Variants in TAOK1 observed in about 807,000 individuals in gnomAD.
TAOK1 encodes the protein serine/threonine-protein kinase TAO1.
TAOK1 carries 21 observed loss-of-function variants against 138.3 expected under a neutral mutation model. The ratio of observed to expected loss-of-function variants is 0.15; its 90% confidence interval spans 0.11 to 0.22. The LOEUF (loss-of-function observed/expected upper bound fraction) is 0.22, where lower values mean the gene tolerates loss of function less well. Ranked by LOEUF, TAOK1 falls within the 10% of genes least tolerant of loss-of-function variation. The probability of loss-of-function intolerance (pLI) is 1.00; values close to 1 mark genes in which losing one functional copy is unlikely to be tolerated. For missense variants in TAOK1, 651 were observed against 1,227.7 expected (o/e 0.53, Z 7.02); for synonymous variants, 361 against 398.4 (o/e 0.91, Z 1.12).
intron 13 of TAOK1, among the ~76,000 whole-genome samples, chr17:29,506,496 C>A (rs1185885276): frequency 1.3e-5 from 2 of 151,984 alleles, no homozygotes; most frequent in Non-Finnish European, 2.9e-5. Flanking sequence ...AGTTGTTGAT[C>A]AAAATGTACA....
chr17:29,522,842 A>G (rs962037993), intron 17 of TAOK1, among the ~76,000 whole-genome samples: 3 of 152,208 alleles, frequency 2.0e-5, no homozygotes, highest in Non-Finnish European at 2.9e-5. Flanking sequence ...TAGGAGGCCA[A>G]GGCGGGTGGA....
At chr17:29,432,565 C>T (rs1466656048) in intron 1 of TAOK1, among the ~76,000 whole-genome samples, 1 of 152,092 alleles carries the variant, frequency 6.6e-6, no homozygotes, top group African/African-American at 2.4e-5. Context: ...CTCCTGACCT[C>T]GTGATCCACC....
At chr17:29,473,793 C>G (rs564388926) in intron 3 of TAOK1, among the ~76,000 whole-genome samples, 90 of 151,760 alleles carry the variant, frequency 5.9e-4, no homozygotes, top group Non-Finnish European at 9.0e-4. Flanking sequence ...GTGGCACTAT[C>G]TTGGCTCACT....
intron 4 of TAOK1, among the ~76,000 whole-genome samples, chr17:29,476,660 C>T (rs1210149323): frequency 6.6e-6 from 1 of 152,022 alleles, no homozygotes; most frequent in Non-Finnish European, 1.5e-5. Context: ...ACACCCACCC[C>T]CAGGATACCA....
intron 13 of TAOK1, among the ~76,000 whole-genome samples, chr17:29,503,897 G>A (rs1379825373): frequency 1.3e-5 from 2 of 152,116 alleles, no homozygotes; most frequent in Non-Finnish European, 2.9e-5. Flanking sequence ...GATCAACTGA[G>A]GTCAGGAGTT....
intron 19 of TAOK1, among the ~76,000 whole-genome samples, chr17:29,537,637 A>G (rs2032245238): frequency 1.3e-5 from 2 of 151,566 alleles, no homozygotes; most frequent in East Asian, 3.9e-4. Context: ...GATTACAGGC[A>G]TGAGCCACTG....
intron 1 of TAOK1, among the ~76,000 whole-genome samples, chr17:29,403,468 C>T (rs1904908335): frequency 2.0e-5 from 3 of 152,086 alleles, no homozygotes; most frequent in African/African-American, 7.2e-5. Context: ...CTTGATTGTA[C>T]TTGATAAGGA....
chr17:29,425,571 C>T (rs989971625), intron 1 of TAOK1, among the ~76,000 whole-genome samples: 11 of 152,074 alleles, frequency 7.2e-5, no homozygotes, highest in African/African-American at 7.2e-5. Flanking sequence ...CCCAGCTACT[C>T]GGGAGGCTGA....
At chr17:29,430,541 C>T (rs1195671649) in intron 1 of TAOK1, among the ~76,000 whole-genome samples, 1 of 152,208 alleles carries the variant, frequency 6.6e-6, no homozygotes, top group African/African-American at 2.4e-5. Context: ...GTCTGATTTG[C>T]TGGGGACAGC....
At chr17:29,529,725 G>A (rs990439105) in intron 17 of TAOK1, among the ~76,000 whole-genome samples, 4 of 152,128 alleles carry the variant, frequency 2.6e-5, no homozygotes, top group African/African-American at 4.8e-5. Context: ...AATTAGCTGG[G>A]CATGGTGGCA....
chr17:29,549,453 AG>A lies in TAOK1; in HGVS notation c.*6433del, dbSNP rs2032454738. The A allele has an allele frequency of 1.3e-5, 2 of 152,278 alleles. No homozygotes were observed. The highest frequency in any genetic ancestry group is 6.5e-5 in the Admixed American group (1 of 15,284). The allele number at this position is 152,278 out of a possible 1,614,324, so 9.4% of individuals were successfully genotyped here. ...TTTGCATGGCTTGGCTTAGTATCCA[AG>A]GTATATTAGGGCCACTTGAAAGCAT... On this transcript the variant is annotated 3_prime_UTR_variant, in exon 20 of 20. Coordinates refer to ENST00000261716, the MANE Select transcript of TAOK1 (RefSeq NM_020791.4).
At chr17:29,452,613 A>G (rs923386674) in intron 2 of TAOK1, among the ~76,000 whole-genome samples, 3 of 152,202 alleles carry the variant, frequency 2.0e-5, no homozygotes, top group African/African-American at 4.8e-5. Context: ...TAGAAACTCT[A>G]TATCCACTGA....
intron 1 of TAOK1, chr17:29,404,171 G>C (rs370209830): frequency 1.1e-4 from 16 of 151,812 alleles, no homozygotes; most frequent in African/African-American, 3.9e-4. Flanking sequence ...TTTGAGACAG[G>C]GTCTTACTCT....
At chr17:29,497,679 G>A (rs1388971186) in intron 11 of TAOK1, among the ~76,000 whole-genome samples, 6 of 106,896 alleles carry the variant, frequency 5.6e-5, no homozygotes, top group African/African-American at 1.1e-4. Flanking sequence ...GTGGTAAAAA[G>A]ATAATCTAGA....
At chr17:29,458,470 G>C (rs1257488125) in intron 2 of TAOK1, among the ~76,000 whole-genome samples, 1 of 152,118 alleles carries the variant, frequency 6.6e-6, no homozygotes, top group Non-Finnish European at 1.5e-5. Context: ...TGGGTGTGTA[G>C]TAGTATTTCA....
intron 17 of TAOK1, among the ~76,000 whole-genome samples, chr17:29,524,898 GCT>G (rs534352719): frequency 7.1e-4 from 108 of 152,272 alleles, no homozygotes; most frequent in Non-Finnish European, 1.4e-3. Context: ...TCCAGATGAT[GCT>G]TTGTCAGCAC....
chr17:29,463,799 T>C (rs530276786), intron 2 of TAOK1, among the ~76,000 whole-genome samples: 1 of 152,152 alleles, frequency 6.6e-6, no homozygotes, highest in South Asian at 2.1e-4. Flanking sequence ...CAGGAGAAAA[T>C]ATTTGCAAAT....
intron 15 of TAOK1, among the ~76,000 whole-genome samples, chr17:29,515,644 G>C (rs2031800870): frequency 6.6e-6 from 1 of 152,034 alleles, no homozygotes; most frequent in African/African-American, 2.4e-5. Flanking sequence ...GACCATACTG[G>C]CTAACATGGT....
At chr17:29,434,842 T>C (rs1439475741) in intron 1 of TAOK1, among the ~76,000 whole-genome samples, 2 of 152,152 alleles carry the variant, frequency 1.3e-5, no homozygotes, top group Non-Finnish European at 2.9e-5. Flanking sequence ...GGCTTTGACC[T>C]GAAATTTGGA....
Sources: gnomAD v4.1 joint callset for allele counts (sites outside exome capture counted in the v4.1 genomes callset) on GRCh38, gnomAD v4.1.1 for gene constraint, MANE v1.5 for transcripts, NCBI Gene and HGNC (gene_info 2026-07-23, HGNC 2026-07-21) for gene names.